Variants in TIMM22 observed in about 807,000 individuals in gnomAD.
TIMM22 encodes mitochondrial import inner membrane translocase subunit Tim22.
TIMM22 carries 12 observed loss-of-function variants against 18.3 expected under a neutral mutation model. That is an observed-to-expected ratio of 0.65 (90% CI 0.42 to 1.06). The LOEUF is 1.06. Among genes scored for constraint, TIMM22 ranks in the 50% least tolerant of loss-of-function variants. The pLI is 0.00. For synonymous variants in TIMM22, 107 were observed against 98.5 expected (o/e 1.09, Z -0.51); for missense variants, 278 against 252.8 (o/e 1.10, Z -0.68).
rs138050930 is a variant in TIMM22, at chr17:1,001,616, C to T, written c.*528C>T. The T allele has an allele frequency of 5.8e-5, 9 of 154,284 alleles. No homozygotes were observed. Among genetic ancestry groups the T allele is most frequent in the African/African-American group, 2.2e-4 (9 of 41,532 alleles). 9.6% of individuals were successfully genotyped at this position (154,284 alleles called of 1,614,324 possible). ...AAAATACACTCCCCTCCCCCACCGC[C>T]ACACACCTTACAGTTCAAAAGGTTG... On this transcript the variant is annotated 3_prime_UTR_variant, in exon 4 of 4. Coordinates refer to ENST00000327158, the MANE Select transcript of TIMM22 (RefSeq NM_013337.4).
rs187061412 is a variant in TIMM22, at chr17:999,660, G to A, written c.508+76G>A. 34 of 1,348,124 alleles carry A rather than the reference G, an allele frequency of 2.5e-5. No homozygotes were observed. The African/African-American group carries it at 3.5e-4, about 14-fold the overall frequency. 83.5% of individuals were successfully genotyped at this position (1,348,124 alleles called of 1,614,324 possible). A position where few individuals can be genotyped will look rare whatever the true frequency, so the allele number is the denominator to read the frequency against. Reference sequence around the variant, plus strand: ...CTGAGGTTGTCATTTCCAAACACACGAGTGTTCCAGGGACACTTGATCTTC... The same window carrying A: ...CTGAGGTTGTCATTTCCAAACACACAAGTGTTCCAGGGACACTTGATCTTC... On this transcript the variant is annotated intron_variant, in intron 3 of 3. Transcript: ENST00000327158.
Position 1,003,223 on chromosome 17 carries a change from A to C in TIMM22, c.*2135A>C, listed in dbSNP as rs2069795002. 1 of 152,242 alleles carries C rather than the reference A, an allele frequency of 6.6e-6. No homozygotes were observed. Among genetic ancestry groups the C allele is most frequent in the African/African-American group, 2.4e-5 (1 of 41,456 alleles). 9.4% of individuals were successfully genotyped at this position (152,242 alleles called of 1,614,324 possible). A position where few individuals can be genotyped will look rare whatever the true frequency, so the allele number is the denominator to read the frequency against. On this transcript the variant is annotated 3_prime_UTR_variant, in exon 4 of 4. Transcript: ENST00000327158. ...AGTGGACAACTTCATGCCACTTTCA[A>C]GGCACACCGATGGCCAGGTGGGACA...
intron 1 of TIMM22, 118 bp downstream of exon 1, chr17:997,498 C>T: frequency 4.1e-6 from 4 of 977,650 alleles, no homozygotes; most frequent in South Asian, 1.7e-5. Context: ...CTTGACCACA[C>T]CCTCGCCTCG....
Position 1,003,189 on chromosome 17 carries a change from T to G in TIMM22, c.*2101T>G, listed in dbSNP as rs1042322131. 6.6e-6 allele frequency: 1 copy of G among 152,232 alleles called. No individual in the cohort carries two copies. Among genetic ancestry groups the G allele is most frequent in the Non-Finnish European group, 1.5e-5 (1 of 68,040 alleles). The allele number at this position is 152,232 out of a possible 1,614,324, so 9.4% of individuals were successfully genotyped here. ...GAAGCGTTTACATAAAAGAAGACGC[T>G]TCCTGTTCAGTGGACAACTTCATGC... On this transcript the variant is annotated 3_prime_UTR_variant, in exon 4 of 4. Transcript: ENST00000327158.
Position 1,001,006 on chromosome 17 carries a change from T to C in TIMM22, c.509-6T>C. The C allele has an allele frequency of 1.2e-6, 2 of 1,614,052 alleles. No individual in the cohort carries two copies. The highest frequency in any genetic ancestry group is 1.7e-6 in the Non-Finnish European group (2 of 1,179,918). ...ACAGGTCATGTTCTTTCTGTTTGTT[T>C]GACAGCTGGCTTAAAGGCTGGGGCC... On this transcript the variant is annotated splice_region_variant and splice_polypyrimidine_tract_variant and intron_variant, in intron 3 of 3. Coordinates refer to ENST00000327158, the MANE Select transcript of TIMM22 (RefSeq NM_013337.4).
intron 3 of TIMM22, among the ~76,000 whole-genome samples, chr17:1,000,302 A>G (rs1172494720): frequency 6.7e-6 from 1 of 149,694 alleles, no homozygotes; most frequent in Non-Finnish European, 1.5e-5. Flanking sequence ...AAGTACAGAT[A>G]TTCTAGAAAT....
rs773964842 is a variant in TIMM22 at position 999,521 on chromosome 17, A to C, written c.445A>C (p.Thr149Pro). The change falls in exon 3 of 4, where the codon ACA becomes CCA. Residue 149 changes from threonine (T) to proline (P), a missense_variant. Coordinates refer to ENST00000327158, the MANE Select transcript of TIMM22 (RefSeq NM_013337.4). ...TECLIESYRG[T>P]SDWKNSVISG... is the part of the protein sequence containing the mutation. ...ACTTCCCTGCCCACAGTACCGGGGA[A>C]CATCAGACTGGAAGAACAGTGTCAT... 6.2e-7 allele frequency: 1 copy of C among 1,613,540 alleles called. No homozygotes were observed. Among genetic ancestry groups the C allele is most frequent in the South Asian group, 1.1e-5 (1 of 90,966 alleles).
chr17:999,396 A>G (rs2069720307), intron 2 of TIMM22, 116 bp from the exon 3 acceptor site: 1 of 661,532 alleles, frequency 1.5e-6, no homozygotes, highest in African/African-American at 1.9e-5. Flanking sequence ...TTCAAGAAAG[A>G]TTAGGTTTCC....
At position 1,001,660 on chromosome 17, in the gene TIMM22, T is replaced by G. The variant is rs1208349129; in HGVS notation, c.*572T>G. 1 of 152,820 alleles carries G rather than the reference T, an allele frequency of 6.5e-6. No individual in the cohort carries two copies. The highest frequency in any genetic ancestry group is 1.9e-4 in the East Asian group (1 of 5,198). 9.5% of individuals were successfully genotyped at this position (152,820 alleles called of 1,614,324 possible). A position where few individuals can be genotyped will look rare whatever the true frequency, so the allele number is the denominator to read the frequency against. On this transcript the variant is annotated 3_prime_UTR_variant, in exon 4 of 4. Transcript: ENST00000327158. ...AAGGTTGGTTTATTTGTATTTTATTTTCAAATTCCCTATTCCAAAAATAGT... is the reference window on the plus strand; with the variant it reads ...AAGGTTGGTTTATTTGTATTTTATTGTCAAATTCCCTATTCCAAAAATAGT...
At chr17:999,185 T>C (rs998273509) in intron 2 of TIMM22, among the ~76,000 whole-genome samples, 1 of 151,940 alleles carries the variant, frequency 6.6e-6, no homozygotes, top group Non-Finnish European at 1.5e-5. Flanking sequence ...TTTTTACTTT[T>C]TGTAGGCTAG....
At chr17:999,687 T>G (rs1262567884) in intron 3 of TIMM22, 103 bp downstream of exon 3, 1 of 1,069,560 alleles carries the variant, frequency 9.3e-7, no homozygotes, top group African/African-American at 1.6e-5. Context: ...TTGATCTTCT[T>G]CCCTCTGACA....
rs2069690948 is a variant in TIMM22, at chr17:997,210, T to G, written c.68T>G (p.Leu23Arg). ...ACAGCGGGTTCCGCCGAAGCTCCGCTGCAGTACAGCCTGCTCCTGCAGTAC... is the reference window on the plus strand; with the variant it reads ...ACAGCGGGTTCCGCCGAAGCTCCGCGGCAGTACAGCCTGCTCCTGCAGTAC... ...PETAGSAEAP[L>R]QYSLLLQYLV... Residue 23 changes from leucine (L) to arginine (R), a missense_variant, in exon 1 of 4, where the codon CTG becomes CGG. Leu to Arg is a moderately radical substitution (Grantham distance 102). Transcript: ENST00000327158. The G allele has an allele frequency of 3.1e-6, 5 of 1,612,922 alleles. No homozygotes were observed. Among genetic ancestry groups the G allele is most frequent in the East Asian group, 2.2e-5 (1 of 44,874 alleles).
At chr17:999,360 C>A in intron 2 of TIMM22, 152 bp from the exon 3 acceptor site, 1 of 276,820 alleles carries the variant, frequency 3.6e-6, no homozygotes, top group Non-Finnish European at 6.4e-6. Flanking sequence ...TATATATATA[C>A]ACGCTGTATA....
At chr17:998,664 G>T in intron 1 of TIMM22, 115 bp from the exon 2 acceptor site, 1 of 1,046,914 alleles carries the variant, frequency 9.6e-7, no homozygotes, top group Non-Finnish European at 1.4e-6. Context: ...GTGGCAAGAG[G>T]GGGGTGTCCT....
At chr17:999,012 GCCA>G in intron 2 of TIMM22, 37 bp downstream of exon 2, 3 of 1,569,712 alleles carry the variant, frequency 1.9e-6, no homozygotes, top group Non-Finnish European at 2.6e-6. Context: ...CCTTGCTGGG[GCCA>G]CCATTTCATT....
In TIMM22 at chr17:997,217, CA is replaced by C. The variant is rs1190690251; in HGVS notation, c.76del (p.Ser26AlafsTer36). ...GTTCCGCCGAAGCTCCGCTGCAGTA[CA>C]GCCTGCTCCTGCAGTACCTGGTGGG... ...AGSAEAPLQY[S>X]LLLQYLVGDK... is the part of the protein sequence containing the mutation. On this transcript the variant is annotated frameshift_variant, in exon 1 of 4. Transcript: ENST00000327158. LOFTEE classifies it high-confidence loss of function. 7 of 1,612,998 alleles carry C rather than the reference CA, an allele frequency of 4.3e-6. No homozygotes were observed. Among genetic ancestry groups the C allele is most frequent in the African/African-American group, 2.7e-5 (2 of 74,958 alleles).
intron 3 of TIMM22, 85 bp from the exon 4 acceptor site, chr17:1,000,927 C>T (rs1331739302): frequency 2.0e-5 from 27 of 1,345,240 alleles, no homozygotes; most frequent in Non-Finnish European, 2.5e-5. Context: ...CATTTCATGA[C>T]ACTGAGGGTG....
rs928868261 is a variant in TIMM22 at position 1,002,698 on chromosome 17, C to A, written c.*1610C>A. ...TCTGCTGTCCCTAAATATAGGACACCTACAAGCACTCTGAAGCAAGGGCAG... is the reference window on the plus strand; with the variant it reads ...TCTGCTGTCCCTAAATATAGGACACATACAAGCACTCTGAAGCAAGGGCAG... On this transcript the variant is annotated 3_prime_UTR_variant, in exon 4 of 4. Coordinates refer to ENST00000327158, the MANE Select transcript of TIMM22 (RefSeq NM_013337.4). The A allele has an allele frequency of 2.0e-5, 3 of 152,136 alleles. No individual in the cohort carries two copies. The highest frequency in any genetic ancestry group is 7.2e-5 in the African/African-American group (3 of 41,412). 9.4% of individuals were successfully genotyped at this position (152,136 alleles called of 1,614,324 possible). A position where few individuals can be genotyped will look rare whatever the true frequency, so the allele number is the denominator to read the frequency against.
chr17:999,781 G>C (rs985470262), intron 3 of TIMM22, among the ~76,000 whole-genome samples, 197 bp downstream of exon 3: 9 of 152,234 alleles, frequency 5.9e-5, no homozygotes, highest in African/African-American at 1.9e-4. Flanking sequence ...TGGCACTACT[G>C]ACATTTCGAC....
Sources: allele counts gnomAD v4.1 joint callset (sites outside exome capture counted in the v4.1 genomes callset), GRCh38; gene constraint gnomAD v4.1.1; transcripts MANE v1.5; gene names NCBI Gene and HGNC (gene_info 2026-07-23, HGNC 2026-07-21).